The following DYNC2I2 variants were observed in gnomAD, a reference collection of about 807,000 sequenced individuals.
DYNC2I2 encodes dynein 2 intermediate chain 2, also known as cytoplasmic dynein 2 intermediate chain 2.
In DYNC2I2, 39 loss-of-function variants were observed where a neutral mutation model predicts 52.0. That is an observed-to-expected ratio of 0.75 (90% CI 0.58 to 0.98). The LOEUF (loss-of-function observed/expected upper bound fraction) is 0.98, where lower values mean the gene tolerates loss of function less well. Among genes scored for constraint, DYNC2I2 ranks in the 50% least tolerant of loss-of-function variants. DYNC2I2 has a pLI of 0.00. For missense variants in DYNC2I2, 743 were observed against 728.4 expected (o/e 1.02, Z -0.23); for synonymous variants, 359 against 321.1 (o/e 1.12, Z -1.26).
chr9:128,670,958 T>C, the DYNC2I2 span, among the ~76,000 whole-genome samples: 1 of 151,160 alleles, frequency 6.6e-6, no homozygotes, highest in Non-Finnish European at 1.5e-5. Context: ...TCCCAGCTAC[T>C]TGGGAGGCTG....
chr9:128,641,175 C>T (rs953272407), intron 1 of DYNC2I2, among the ~76,000 whole-genome samples: 9 of 152,116 alleles, frequency 5.9e-5, no homozygotes, highest in African/African-American at 2.2e-4. Context: ...GTGACCAATT[C>T]AGGGCTGGCC....
rs1328239909 is a variant in DYNC2I2, at chr9:128,636,922, C to T, written c.541G>A (p.Gly181Ser). The T allele has an allele frequency of 3.7e-6, 6 of 1,611,724 alleles. No homozygotes were observed. Among genetic ancestry groups the T allele is most frequent in the African/African-American group, 2.7e-5 (2 of 74,914 alleles). The stretch of plus-strand genomic sequence containing the variant: ...ACCTGCCCCGCTGCCACTCACCGGC[C>T]GTAGGCACAGGCCACCACAGAGCCA... ...STGSVVACAYGRLDHGDWSTL... is the reference protein window; with the variant it reads ...STGSVVACAYSRLDHGDWSTL... Residue 181 changes from glycine to serine, a missense_variant, in exon 3 of 9, where the codon GGC becomes AGC. By Grantham distance (56) the Gly-to-Ser change is moderately conservative. Transcript: ENST00000372715.
chr9:128,635,426 C>G (rs1860379254), intron 5 of DYNC2I2, 167 bp from the exon 6 acceptor site: 3 of 899,928 alleles, frequency 3.3e-6, no homozygotes, highest in Non-Finnish European at 4.9e-6. Context: ...CCAGGGCCCT[C>G]TCCAGTCCCA....
chr9:128,648,813 AGAG>A (rs1247319857), intron 1 of DYNC2I2, among the ~76,000 whole-genome samples: 22 of 95,000 alleles, frequency 2.3e-4, no homozygotes, highest in South Asian at 3.4e-4. Flanking sequence ...AAAAAAAAAA[AGAG>A]AGAGAGAATC....
At position 128,634,941 on chromosome 9, in the gene DYNC2I2, G is replaced by A. The variant is rs377054600; in HGVS notation, c.982-20C>T. On this transcript the variant is annotated intron_variant, in intron 6 of 8. Coordinates refer to ENST00000372715, the MANE Select transcript of DYNC2I2 (RefSeq NM_052844.4). The stretch of plus-strand genomic sequence containing the variant: ...GGGATGCTGTGGAGAAATGGCAGCA[G>A]CAGGGTCAGAGCCAAGGGCATCAGA... 1.2e-6 allele frequency: 2 copies of A among 1,610,030 alleles called. No homozygotes were observed. Among genetic ancestry groups the A allele is most frequent in the African/African-American group, 1.3e-5 (1 of 74,880 alleles).
At chr9:128,656,513 T>TCGCTCCGCGCGGGGCCCGCGC (rs1860827505) in intron 1 of DYNC2I2, 28 bp downstream of exon 1, 3 of 1,262,068 alleles carry the variant, frequency 2.4e-6, no homozygotes, top group African/African-American at 1.6e-5. Flanking sequence ...CCCGCCCGCG[T>TCGCTCCGCGCGGGGCCCGCGC]CGCTCCGCGC....
chr9:128,669,469 G>A, the DYNC2I2 span, among the ~76,000 whole-genome samples: 614 of 152,210 alleles, frequency 4.0e-3, 2 homozygotes, highest in African/African-American at 0.013. Flanking sequence ...AGGCTGAGGT[G>A]GTCAGATCAC....
In DYNC2I2 at chr9:128,633,666, T is replaced by C; in HGVS notation, c.*78A>G. The C allele has an allele frequency of 2.7e-6, 4 of 1,487,022 alleles. No homozygotes were observed. Among genetic ancestry groups the C allele is most frequent in the East Asian group, 2.3e-5 (1 of 43,992 alleles). The allele number at this position is 1,487,022 out of a possible 1,614,324, so 92.1% of individuals were successfully genotyped here. ...ATAAATGATGACTTCCCCCAAAGCTTTGCTTTTCTTCATTTGGCTTGCGTC... is the reference window on the plus strand; with the variant it reads ...ATAAATGATGACTTCCCCCAAAGCTCTGCTTTTCTTCATTTGGCTTGCGTC... On this transcript the variant is annotated 3_prime_UTR_variant, in exon 9 of 9. Transcript: ENST00000372715.
At position 128,634,306 on chromosome 9, in the gene DYNC2I2, A is replaced by C. The variant is rs954791964; in HGVS notation, c.1292T>G (p.Leu431Arg). 6.2e-7 allele frequency: 1 copy of C among 1,613,648 alleles called. No individual in the cohort carries two copies. ...AAACAGATACTTGAGGGAGAGCTGCAGCGAAGTCAAGGGAGGGGCCTGCAG... is the reference window on the plus strand; with the variant it reads ...AAACAGATACTTGAGGGAGAGCTGCCGCGAAGTCAAGGGAGGGGCCTGCAG... ...SMLQAPPLTSLQLSLKYLFAV... is the reference protein window; with the variant it reads ...SMLQAPPLTSRQLSLKYLFAV... Residue 431 changes from leucine (L) to arginine (R), a missense_variant, in exon 8 of 9, where the codon CTG becomes CGG. Transcript: ENST00000372715.
At chr9:128,635,306 C>A in intron 5 of DYNC2I2, 47 bp from the exon 6 acceptor site, 1 of 1,585,140 alleles carries the variant, frequency 6.3e-7, no homozygotes, top group South Asian at 1.1e-5. Context: ...GGGACACCTG[C>A]CCAGGTGTCA....
chr9:128,675,496 T>G, the DYNC2I2 span, among the ~76,000 whole-genome samples: 1 of 152,094 alleles, frequency 6.6e-6, no homozygotes, highest in African/African-American at 2.4e-5. Context: ...TGATTCTTCA[T>G]TTGGTTTGGT....
chr9:128,657,639 C>CA (rs1042679383), upstream of DYNC2I2, among the ~76,000 whole-genome samples: 14 of 151,738 alleles, frequency 9.2e-5, no homozygotes, highest in African/African-American at 1.4e-4. Context: ...CCCGTCTCTA[C>CA]AAAAAAAATG....
chr9:128,683,867 T>C, the DYNC2I2 span: 37 of 1,530,730 alleles, frequency 2.4e-5, no homozygotes, highest in East Asian at 8.8e-4. Context: ...AGGAGACTCG[T>C]GGTCTGGTTC....
At chr9:128,668,137 T>A in the DYNC2I2 span, among the ~76,000 whole-genome samples, 1 of 151,956 alleles carries the variant, frequency 6.6e-6, no homozygotes, top group East Asian at 1.9e-4. Context: ...ATTTTTGTAC[T>A]TTTAATAGAG....
rs1476017275 is a variant in DYNC2I2, at chr9:128,656,552, G to C, written c.175C>G (p.Arg59Gly). ...PSQWRAVQGI[R>G]WETKSCQTAS... is the part of the protein sequence containing the mutation. ...GCCCGCGCCCTCACCGTCTCCCAGC[G>C]GATGCCCTGGACGGCCCTCCACTGC... is the stretch of plus-strand genomic sequence containing the variant. The change falls in exon 1 of 9, where the codon CGC becomes GGC. Residue 59 changes from arginine to glycine, a missense_variant. By Grantham distance (125) the Arg-to-Gly change is moderately radical. Transcript: ENST00000372715. 1 of 1,431,486 alleles carries C rather than the reference G, an allele frequency of 7.0e-7. No homozygotes were observed. Among genetic ancestry groups the C allele is most frequent in the South Asian group, 1.4e-5 (1 of 72,204 alleles). 88.7% of individuals were successfully genotyped at this position (1,431,486 alleles called of 1,614,324 possible). A position where few individuals can be genotyped will look rare whatever the true frequency, so the allele number is the denominator to read the frequency against.
chr9:128,668,858 C>T, the DYNC2I2 span, among the ~76,000 whole-genome samples: 1 of 151,254 alleles, frequency 6.6e-6, no homozygotes, highest in South Asian at 2.1e-4. Context: ...AGATCAAGTG[C>T]CTTGAATACA....
intron 2 of DYNC2I2, among the ~76,000 whole-genome samples, chr9:128,637,844 A>G (rs1860444064): frequency 6.6e-6 from 1 of 152,156 alleles, no homozygotes. Context: ...AGGGGTAGGC[A>G]CCAGCTGCCC....
At position 128,656,788 on chromosome 9, in the gene DYNC2I2, A is replaced by G; in HGVS notation, c.-62T>C. 3.1e-6 allele frequency: 4 copies of G among 1,308,516 alleles called. No individual in the cohort carries two copies. The highest frequency in any genetic ancestry group is 9.7e-7 in the Non-Finnish European group (1 of 1,026,452). 81.1% of individuals were successfully genotyped at this position (1,308,516 alleles called of 1,614,324 possible). On this transcript the variant is annotated 5_prime_UTR_variant, in exon 1 of 9. An upstream start codon of the reference 5' UTR is lost. Coordinates refer to ENST00000372715, the MANE Select transcript of DYNC2I2 (RefSeq NM_052844.4). ...GCGCGACCTCCGCCCCTACGCCGCC[A>G]TGAGCGGAAAACGGGGAATGTGAGG...
the DYNC2I2 span, among the ~76,000 whole-genome samples, chr9:128,674,409 C>T: frequency 2.6e-5 from 4 of 151,188 alleles, no homozygotes; most frequent in Non-Finnish European, 4.4e-5. Flanking sequence ...GCTGGGATTA[C>T]AGGCATGAGC....
Sources: gnomAD v4.1 joint callset for allele counts (sites outside exome capture counted in the v4.1 genomes callset) on GRCh38, gnomAD v4.1.1 for gene constraint, MANE v1.5 for transcripts, NCBI Gene and HGNC (gene_info 2026-07-23, HGNC 2026-07-21) for gene names.